KCNJ1: variants seen among roughly 807,000 people sequenced by gnomAD.
KCNJ1 encodes ATP-sensitive inward rectifier potassium channel 1.
A neutral mutation model predicts 21.9 loss-of-function variants in KCNJ1; 24 were observed. The ratio of observed to expected loss-of-function variants is 1.10; its 90% CI spans 0.79 to 1.54. The LOEUF (loss-of-function observed/expected upper bound fraction) is 1.54. Among genes scored for constraint, KCNJ1 ranks in the 40% most tolerant of loss-of-function variants. The pLI, the probability that KCNJ1 is intolerant of heterozygous loss-of-function variation, is 0.00. For missense variants in KCNJ1, 457 were observed against 455.4 expected, an observed-to-expected ratio of 1.00 and a Z score of -0.03; for synonymous variants, 152 against 160.9, an observed-to-expected ratio of 0.94 and a Z score of 0.42.
intron 2 of KCNJ1, chr11:128,842,240 A>T: frequency 1.0e-6 from 1 of 1,004,826 alleles, no homozygotes. Flanking sequence ...TTTTACTTTT[A>T]AAGGTAAAGA....
chr11:128,848,241 T>C (rs1276413816), intron 2 of KCNJ1, among the ~76,000 whole-genome samples: 2 of 130,166 alleles, frequency 1.5e-5, no homozygotes, highest in African/African-American at 6.0e-5. Context: ...TGAGCCAAGA[T>C]CGCACCACTG....
chr11:128,856,950 C>T (rs1478304991), intron 1 of KCNJ1, among the ~76,000 whole-genome samples: 3 of 152,118 alleles, frequency 2.0e-5, no homozygotes, highest in South Asian at 2.1e-4. Context: ...TCCTGAAAAT[C>T]GGATCATGCT....
chr11:128,853,201 G>A (rs945055538), intron 1 of KCNJ1, among the ~76,000 whole-genome samples: 7 of 152,178 alleles, frequency 4.6e-5, no homozygotes, highest in East Asian at 1.9e-4. Context: ...ACATATCCAC[G>A]TAAAATGAGT....
intron 2 of KCNJ1, among the ~76,000 whole-genome samples, chr11:128,846,082 AG>A (rs2135946212): frequency 6.6e-6 from 1 of 152,282 alleles, no homozygotes; most frequent in East Asian, 1.9e-4. Context: ...AGAAGATAGG[AG>A]ATCCTGGCCA....
intron 2 of KCNJ1, among the ~76,000 whole-genome samples, chr11:128,850,330 T>C (rs17137971): frequency 0.062 from 9,453 of 152,282 alleles, 352 homozygotes; most frequent in African/African-American, 0.11. Context: ...GACTGTATGC[T>C]TTCCTTTCAT....
chr11:128,861,093 C>G (rs918854478), intron 1 of KCNJ1, among the ~76,000 whole-genome samples: 2 of 152,230 alleles, frequency 1.3e-5, no homozygotes, highest in Admixed American at 6.5e-5. Context: ...ATCTGCTCTC[C>G]AGTCACTGGT....
intron 2 of KCNJ1, among the ~76,000 whole-genome samples, chr11:128,846,743 T>A (rs565239824): frequency 6.6e-6 from 1 of 152,240 alleles, no homozygotes; most frequent in African/African-American, 2.4e-5. Flanking sequence ...TCTCTCACCC[T>A]AGGATTAGGA....
chr11:128,841,905 C>T (rs1318479267), intron 2 of KCNJ1, among the ~76,000 whole-genome samples: 2 of 152,180 alleles, frequency 1.3e-5, no homozygotes, highest in African/African-American at 4.8e-5. Context: ...CCCTCACTGA[C>T]CTCAAGTCCC....
intron 2 of KCNJ1, among the ~76,000 whole-genome samples, chr11:128,843,776 C>T (rs2135944392): frequency 6.6e-6 from 1 of 152,354 alleles, no homozygotes; most frequent in Admixed American, 6.5e-5. Context: ...ATTTATTTAT[C>T]AATCACTATT....
At chr11:128,841,923 G>A (rs1474713346) in intron 2 of KCNJ1, among the ~76,000 whole-genome samples, 1 of 152,198 alleles carries the variant, frequency 6.6e-6, no homozygotes, top group African/African-American at 2.4e-5. Context: ...CCCCAGTGAG[G>A]ATTAGGGGAT....
intron 1 of KCNJ1, among the ~76,000 whole-genome samples, chr11:128,865,846 A>G (rs1332078914): frequency 1.3e-5 from 2 of 152,156 alleles, no homozygotes; most frequent in African/African-American, 4.8e-5. Flanking sequence ...CTTGGCAATT[A>G]CAAACTTCTT....
chr11:128,857,540 A>T (rs1337555121), intron 1 of KCNJ1, among the ~76,000 whole-genome samples: 1 of 152,234 alleles, frequency 6.6e-6, no homozygotes, highest in Non-Finnish European at 1.5e-5. Context: ...GGGACCTGTC[A>T]GCTGCATCCC....
chr11:128,839,753 G>C lies in KCNJ1; in HGVS notation c.491C>G (p.Ser164Cys). 6.2e-7 allele frequency: 1 copy of C among 1,613,876 alleles called. No individual in the cohort carries two copies. The highest frequency in any genetic ancestry group is 8.5e-7 in the Non-Finnish European group (1 of 1,180,006). ...FMCGAILAKISRPKKRAKTIT... is the reference protein window; with the variant it reads ...FMCGAILAKICRPKKRAKTIT... ...GGTCTTGGCACGTTTTTTGGGCCTG[G>C]AGATCTTGGCTAAGATGGCCCCACA... The change falls in exon 3 of 3, where the codon TCC (serine) becomes TGC (cysteine). Residue 164 changes from serine (S) to cysteine (C), a missense_variant. Physicochemically the swap from Ser to Cys is moderately radical, Grantham distance 112. Coordinates refer to ENST00000392666, the MANE Select transcript of KCNJ1 (RefSeq NM_153766.3).
chr11:128,842,229 A>G (rs1286789663), intron 2 of KCNJ1, among the ~76,000 whole-genome samples: 1 of 152,126 alleles, frequency 6.6e-6, no homozygotes, highest in African/African-American at 2.4e-5. Context: ...CCTTAATTTC[A>G]TTTTACTTTT....
intron 1 of KCNJ1, among the ~76,000 whole-genome samples, chr11:128,856,437 A>T (rs1943592272): frequency 6.6e-6 from 1 of 152,178 alleles, no homozygotes; most frequent in Non-Finnish European, 1.5e-5. Context: ...CTGGGGTGAG[A>T]GGTGCATGTG....
intron 1 of KCNJ1, among the ~76,000 whole-genome samples, chr11:128,861,932 A>G (rs551405041): frequency 6.6e-6 from 1 of 152,102 alleles, no homozygotes; most frequent in South Asian, 2.1e-4. Context: ...TAGATGAGAA[A>G]GCAGTTTCAG....
At chr11:128,852,913 T>C (rs1475633207) in intron 1 of KCNJ1, among the ~76,000 whole-genome samples, 1 of 152,254 alleles carries the variant, frequency 6.6e-6, no homozygotes, top group Non-Finnish European at 1.5e-5. Flanking sequence ...GACCGACCTC[T>C]CAGGAGAGGC....
intron 1 of KCNJ1, among the ~76,000 whole-genome samples, chr11:128,857,655 T>C (rs1394287276): frequency 6.6e-6 from 1 of 152,148 alleles, no homozygotes; most frequent in Non-Finnish European, 1.5e-5. Context: ...GCTGAGCTAG[T>C]TTTTCACTTG....
chr11:128,864,922 A>G (rs1943790152), intron 1 of KCNJ1, among the ~76,000 whole-genome samples: 1 of 151,836 alleles, frequency 6.6e-6, no homozygotes, highest in African/African-American at 2.4e-5. Context: ...CTCTTCCACA[A>G]TGTAAATAAG....
Sources: allele counts gnomAD v4.1 joint callset (sites outside exome capture counted in the v4.1 genomes callset), GRCh38; gene constraint gnomAD v4.1.1; transcripts MANE v1.5; gene names NCBI Gene and HGNC (gene_info 2026-07-23, HGNC 2026-07-21).